Variants in AMZ1 observed in about 807,000 individuals in gnomAD.
AMZ1 encodes archaelysin family metallopeptidase 1.
AMZ1 carries 39 observed loss-of-function variants against 29.9 expected under a neutral mutation model. The observed-to-expected ratio is 1.30, with a 90% confidence interval of 1.01 to 1.70. The LOEUF (loss-of-function observed/expected upper bound fraction) is 1.70, where lower values mean the gene tolerates loss of function less well. Ranked by LOEUF, AMZ1 falls within the 40% of genes most tolerant of loss-of-function variation. The pLI is 0.00. For missense variants in AMZ1, 1,041 were observed against 680.6 expected (o/e 1.53, Z -5.89); for synonymous variants, 458 against 304.0 (o/e 1.51, Z -5.27).
In AMZ1 at chr7:2,709,165, CAGACGGCCCCG is replaced by C. The variant is rs758747166; in HGVS notation, c.695_705del (p.Asp232GlyfsTer120). ...GATCTGGCCCTGGTAGAGGCAGCAG[CAGACGGCCCCG>C]AGGCCCCCCTGCAGGACAGGGGCTG... On this transcript the variant is annotated frameshift_variant, in exon 5 of 7. Transcript: ENST00000683327. LOFTEE classifies it high-confidence loss of function. 7.7e-6 allele frequency: 12 copies of C among 1,561,586 alleles called. No individual in the cohort carries two copies. The highest frequency in any genetic ancestry group is 1.0e-5 in the Non-Finnish European group (12 of 1,155,432).
At chr7:2,695,314 G>A (rs1340255350) in intron 1 of AMZ1, among the ~76,000 whole-genome samples, 1 of 152,158 alleles carries the variant, frequency 6.6e-6, no homozygotes, top group Non-Finnish European at 1.5e-5. Flanking sequence ...GCTGGAGTCT[G>A]GTGGTGGGCA....
At chr7:2,755,993 A>C (rs1396334525) in intron 4 of AMZ1, among the ~76,000 whole-genome samples, 2 of 152,222 alleles carry the variant, frequency 1.3e-5, no homozygotes, top group Non-Finnish European at 2.9e-5. Flanking sequence ...ATCTCTTCAA[A>C]ACACCACAGA....
At position 2,712,446 on chromosome 7, in the gene AMZ1, G is replaced by C. The variant is rs200135799; in HGVS notation, c.1065G>C (p.Glu355Asp). ...PASADSGMCC[E>D]SDSEPGTSVS... ...GCGCCGACTCGGGCATGTGCTGTGA[G>C]AGTGACTCGGAGCCCGGCACCAGTG... Residue 355 changes from glutamate to aspartate, a missense_variant, in exon 7 of 7, where the codon GAG becomes GAC. Transcript: ENST00000683327. 1 of 1,611,600 alleles carries C rather than the reference G, an allele frequency of 6.2e-7. No homozygotes were observed. The highest frequency in any genetic ancestry group is 1.1e-5 in the South Asian group (1 of 91,022).
At position 2,715,909 on chromosome 7, in the gene AMZ1, A is replaced by G. The variant is rs550796789; in HGVS notation, c.*3031A>G. 17 of 132,768 alleles carry G rather than the reference A, an allele frequency of 1.3e-4. No individual in the cohort carries two copies. The East Asian group carries it at 2.9e-3, about 23-fold the overall frequency. The allele number at this position is 132,768 out of a possible 1,614,324, so 8.2% of individuals were successfully genotyped here. ...GATGGTTTCCAAGACACACAGGGCCACGGTTCTTTCAGTTTTTAAACACGT... is the reference window on the plus strand; with the variant it reads ...GATGGTTTCCAAGACACACAGGGCCGCGGTTCTTTCAGTTTTTAAACACGT... On this transcript the variant is annotated 3_prime_UTR_variant, in exon 7 of 7. Transcript: ENST00000683327.
At chr7:2,691,730 CAAAAAAA>C (rs55752807) in intron 1 of AMZ1, among the ~76,000 whole-genome samples, 11 of 84,638 alleles carry the variant, frequency 1.3e-4, no homozygotes, top group Admixed American at 2.7e-4. Flanking sequence ...GGCTCCGTCT[CAAAAAAA>C]AAAAAAAAAA....
chr7:2,721,907 T>C (rs866368652), downstream of AMZ1, among the ~76,000 whole-genome samples: 9 of 152,356 alleles, frequency 5.9e-5, no homozygotes, highest in Middle Eastern at 3.4e-3. Flanking sequence ...ACATATATTT[T>C]TACACTTTAT....
At chr7:2,723,914 C>T (rs1435604004), downstream of AMZ1, among the ~76,000 whole-genome samples, 1 of 152,106 alleles carries the variant, frequency 6.6e-6, no homozygotes, top group Non-Finnish European at 1.5e-5. Flanking sequence ...GACTTCTGGC[C>T]AGATTTTTTT....
chr7:2,741,799 G>T (rs188309523), intron 4 of AMZ1, among the ~76,000 whole-genome samples: 1 of 151,068 alleles, frequency 6.6e-6, no homozygotes, highest in East Asian at 1.9e-4. Flanking sequence ...CTACAACCAC[G>T]GCAACTTCAG....
chr7:2,682,545 C>G (rs111354051), intron 1 of AMZ1, among the ~76,000 whole-genome samples: 2,189 of 152,270 alleles, frequency 0.014, 44 homozygotes, highest in African/African-American at 0.05. Context: ...CTAGGACACC[C>G]CAAGTCCCGC....
At chr7:2,704,375 A>G (rs1442151247) in intron 3 of AMZ1, among the ~76,000 whole-genome samples, 1 of 152,026 alleles carries the variant, frequency 6.6e-6, no homozygotes, top group Non-Finnish European at 1.5e-5. Context: ...GGTGGCACAC[A>G]TCTATAGTCT....
intron 4 of AMZ1, among the ~76,000 whole-genome samples, chr7:2,734,326 T>C (rs1049071957): frequency 2.6e-5 from 4 of 152,176 alleles, no homozygotes; most frequent in South Asian, 2.1e-4. Flanking sequence ...AAACCAATTA[T>C]ACCACTTTCT....
upstream of AMZ1, chr7:2,762,657 T>C (rs10487576): frequency 0.01 from 16,147 of 1,598,710 alleles, 203 homozygotes; most frequent in African/African-American, 0.056. Flanking sequence ...GGCAGGACGA[T>C]GAGAGGATAA....
At position 2,731,499 on chromosome 7, in the gene AMZ1, G is replaced by A. The variant is rs149751425; in HGVS notation, n.550+21683G>A. Reference sequence around the variant, plus strand: ...GCTTGTTGTTGACGATGGTCTCGAAGATGTTCATGGACTCCACCAGCCGGT... The same window carrying A: ...GCTTGTTGTTGACGATGGTCTCGAAAATGTTCATGGACTCCACCAGCCGGT... On this transcript the variant is annotated intron_variant and non_coding_transcript_variant, in intron 4 of 4. Transcript: ENST00000489665. The surrounding 1 kb of genome is among the most constrained non-coding windows in gnomAD (Gnocchi z 6.0). 5.6e-6 allele frequency: 9 copies of A among 1,613,774 alleles called. No homozygotes were observed. In the African/African-American group the frequency reaches 1.1e-4, roughly 19 times the overall value.
At chr7:2,722,216 C>T (rs951843642), downstream of AMZ1, among the ~76,000 whole-genome samples, 5 of 151,890 alleles carry the variant, frequency 3.3e-5, no homozygotes, top group East Asian at 1.9e-4. Context: ...TTCCTGGCGA[C>T]GCTTGTGCCC....
intron 4 of AMZ1, among the ~76,000 whole-genome samples, chr7:2,739,590 A>C (rs1352466854): frequency 6.6e-6 from 1 of 152,348 alleles, no homozygotes; most frequent in Non-Finnish European, 1.5e-5. Flanking sequence ...ACAGTGCTAC[A>C]AACAGCTGTG....
At chr7:2,739,077 C>G (rs1298274170) in intron 4 of AMZ1, among the ~76,000 whole-genome samples, 2 of 152,212 alleles carry the variant, frequency 1.3e-5, no homozygotes, top group African/African-American at 4.8e-5. Context: ...CAGGGTGTGT[C>G]CTCGGCGTGT....
rs75011879 is a variant in AMZ1 at position 2,740,132 on chromosome 7, T to C, written n.551-24580T>C. The stretch of plus-strand genomic sequence containing the variant: ...TTCTGATTTTTAAAAACGGTGGCCA[T>C]CCTACTAGCTGTGAAATGGCACTCC... On this transcript the variant is annotated intron_variant and non_coding_transcript_variant, in intron 4 of 4. Coordinates refer to the AMZ1 transcript ENST00000489665. Among the ~76,000 whole-genome samples the C allele has an allele frequency of 5.2e-3, 798 of 152,296 alleles. 7 individuals are homozygous for C. Among genetic ancestry groups the C allele is most frequent in the African/African-American group, 0.018 (753 of 41,546 alleles).
chr7:2,708,037 G>T (rs1788469279), intron 3 of AMZ1, among the ~76,000 whole-genome samples: 1 of 151,862 alleles, frequency 6.6e-6, no homozygotes, highest in Non-Finnish European at 1.5e-5. Flanking sequence ...TGGCCAGGCT[G>T]GTCTCGAACT....
rs1404044674 is a variant in AMZ1 at position 2,713,640 on chromosome 7, T to A, written c.*762T>A. 6.6e-6 allele frequency: 1 copy of A among 152,406 alleles called. No homozygotes were observed. Among genetic ancestry groups the A allele is most frequent in the African/African-American group, 2.4e-5 (1 of 41,448 alleles). 9.4% of individuals were successfully genotyped at this position (152,406 alleles called of 1,614,324 possible). On this transcript the variant is annotated 3_prime_UTR_variant, in exon 7 of 7. Transcript: ENST00000683327. ...TCTATCATCTCAGGCGTCAACCACA[T>A]GCACACACACACTGTCACGTTCTGT...
Sources: gnomAD v4.1 joint callset for allele counts (sites outside exome capture counted in the v4.1 genomes callset) on GRCh38, gnomAD v4.1.1 for gene constraint, Gnocchi (gnomAD v3.1) non-coding constraint, MANE v1.5 for transcripts, NCBI Gene and HGNC (gene_info 2026-07-23, HGNC 2026-07-21) for gene names.